Variants in SUMF1 observed in about 807,000 individuals in gnomAD.
SUMF1 encodes the protein sulfatase modifying factor 1.
A neutral mutation model predicts 47.6 loss-of-function variants in SUMF1; 48 were observed. The observed-to-expected ratio is 1.01, with a 90% CI of 0.80 to 1.28. The LOEUF is 1.28. SUMF1 is among the 50% of genes most tolerant of loss of function. The pLI, the probability that SUMF1 is intolerant of heterozygous loss-of-function variation, is 0.00. For synonymous variants in SUMF1, 230 were observed against 192.1 expected, an observed-to-expected ratio of 1.20 and a Z score of -1.63; for missense variants, 571 against 485.4, an observed-to-expected ratio of 1.18 and a Z score of -1.66.
At chr3:4,201,188 C>G (rs899375898) in intron 8 of SUMF1, among the ~76,000 whole-genome samples, 1 of 152,002 alleles carries the variant, frequency 6.6e-6, no homozygotes, top group African/African-American at 2.4e-5. Flanking sequence ...CAACAAACTG[C>G]TGTCTATAGT....
chr3:4,157,437 C>T (rs983573551), intron 8 of SUMF1, among the ~76,000 whole-genome samples: 19 of 151,534 alleles, frequency 1.3e-4, no homozygotes, highest in Admixed American at 2.6e-4. Context: ...TTATTCTGTT[C>T]CATTTCATGT....
At chr3:4,066,221 C>G (rs566886452) in intron 9 of SUMF1, among the ~76,000 whole-genome samples, 10 of 151,528 alleles carry the variant, frequency 6.6e-5, no homozygotes, top group Non-Finnish European at 1.3e-4. Flanking sequence ...TGCAAAAATG[C>G]CAAAACAGGA....
chr3:4,154,512 A>G (rs2125108275), intron 8 of SUMF1, among the ~76,000 whole-genome samples: 1 of 151,638 alleles, frequency 6.6e-6, no homozygotes, highest in African/African-American at 2.4e-5. Flanking sequence ...CAAGCTGGGG[A>G]CTATTATCTC....
At chr3:4,298,915 T>C (rs1220603403) in intron 8 of SUMF1, among the ~76,000 whole-genome samples, 1 of 152,214 alleles carries the variant, frequency 6.6e-6, no homozygotes, top group Non-Finnish European at 1.5e-5. Flanking sequence ...ATCTTTCTTT[T>C]TATTACTTTG....
intron 8 of SUMF1, among the ~76,000 whole-genome samples, chr3:4,137,665 ACCTG>A (rs1420476585): frequency 6.6e-6 from 1 of 152,118 alleles, no homozygotes; most frequent in Non-Finnish European, 1.5e-5. Context: ...AATTTCCTCA[ACCTG>A]ATAAAGGGAA....
chr3:4,055,897 G>A (rs75487959), intron 9 of SUMF1, among the ~76,000 whole-genome samples: 8,532 of 152,086 alleles, frequency 0.056, 773 homozygotes, highest in African/African-American at 0.19. Context: ...TGTTTCTTTG[G>A]CCTTTCCAGC....
At chr3:4,273,648 C>T (rs1336180182) in intron 8 of SUMF1, among the ~76,000 whole-genome samples, 1 of 134,224 alleles carries the variant, frequency 7.5e-6, no homozygotes, top group Non-Finnish European at 1.5e-5. Flanking sequence ...GTAAATTTTA[C>T]ATTAAGTAAA....
At chr3:4,279,932 T>C (rs1473980208) in intron 8 of SUMF1, among the ~76,000 whole-genome samples, 6 of 152,186 alleles carry the variant, frequency 3.9e-5, no homozygotes, top group East Asian at 3.8e-4. Flanking sequence ...TTTGGCTATA[T>C]AGTCAAGCTA....
intron 8 of SUMF1, among the ~76,000 whole-genome samples, chr3:4,106,090 A>G (rs1319266172): frequency 1.3e-5 from 2 of 151,964 alleles, no homozygotes; most frequent in African/African-American, 2.4e-5. Context: ...ACTTTTCACT[A>G]TAATAAACAA....
Position 4,217,754 on chromosome 3 carries a change from A to AT in SUMF1, c.1015-149010dup, listed in dbSNP as rs11311988. On this transcript the variant is annotated intron_variant and NMD_transcript_variant, in intron 8 of 12. Coordinates refer to the SUMF1 transcript ENST00000448413. Reference sequence around the variant, plus strand: ...CTTTGAACCACAAAATTTCTTAGCTATTTTTTTTTAAAACACAAGAAAAGA... The same window carrying AT: ...CTTTGAACCACAAAATTTCTTAGCTATTTTTTTTTTAAAACACAAGAAAAGA... 2.5e-3 allele frequency among the ~76,000 whole-genome samples: 375 copies of AT among 148,364 alleles called. 1 individual carries two copies. Among genetic ancestry groups the AT allele is most frequent in the African/African-American group, 8.3e-3 (336 of 40,240 alleles).
chr3:4,238,337 T>C (rs1191581812), intron 8 of SUMF1, among the ~76,000 whole-genome samples: 1 of 152,180 alleles, frequency 6.6e-6, no homozygotes, highest in Admixed American at 6.5e-5. Flanking sequence ...TTCTAGATCC[T>C]TGAGGAATTG....
chr3:4,135,797 G>C (rs1049646486), intron 8 of SUMF1, among the ~76,000 whole-genome samples: 5 of 152,144 alleles, frequency 3.3e-5, no homozygotes, highest in African/African-American at 1.2e-4. Flanking sequence ...CAAAATCAAT[G>C]TGCAAAAATC....
intron 8 of SUMF1, among the ~76,000 whole-genome samples, chr3:4,349,518 T>C (rs934716375): frequency 6.6e-6 from 1 of 152,190 alleles, no homozygotes; most frequent in Non-Finnish European, 1.5e-5. Context: ...CATTCTACTA[T>C]AAAGACACAC....
chr3:4,338,910 T>C (rs1218160253), intron 8 of SUMF1, among the ~76,000 whole-genome samples: 1 of 152,164 alleles, frequency 6.6e-6, no homozygotes, highest in Non-Finnish European at 1.5e-5. Flanking sequence ...GACTGTAAGA[T>C]CCTGGCGGAC....
At position 4,173,589 on chromosome 3, in the gene SUMF1, T is replaced by C. The variant is rs141166356; in HGVS notation, c.1015-104844A>G. Among the ~76,000 whole-genome samples, 352 of 152,290 alleles carry C rather than the reference T, an allele frequency of 2.3e-3. 4 individuals carry two copies. Among genetic ancestry groups the C allele is most frequent in the African/African-American group, 7.9e-3 (330 of 41,552 alleles). ...AAAGACATATGCATACGTATGTTTATTGAAGCACTATTCACAATAGTAAAG... is the reference window on the plus strand; with the variant it reads ...AAAGACATATGCATACGTATGTTTACTGAAGCACTATTCACAATAGTAAAG... On this transcript the variant is annotated intron_variant and NMD_transcript_variant, in intron 8 of 12. Transcript: ENST00000448413.
At chr3:4,303,510 CG>C (rs765667779) in intron 8 of SUMF1, 1 of 1,439,162 alleles carries the variant, frequency 6.9e-7, no homozygotes. Flanking sequence ...CCGGGGGCCG[CG>C]CCGGCGCCCT....
At chr3:4,410,592 G>A (rs917993850) in intron 7 of SUMF1, among the ~76,000 whole-genome samples, 3 of 152,058 alleles carry the variant, frequency 2.0e-5, no homozygotes, top group Non-Finnish European at 4.4e-5. Flanking sequence ...TCAAATTTAC[G>A]AGACTGAATA....
intron 8 of SUMF1, among the ~76,000 whole-genome samples, chr3:4,085,032 A>C (rs926153628): frequency 6.6e-6 from 1 of 152,090 alleles, no homozygotes; most frequent in Admixed American, 6.6e-5. Context: ...TATCTACTCT[A>C]TGCATATTAA....
At chr3:4,074,588 C>CACTA (rs1692376107) in intron 8 of SUMF1, among the ~76,000 whole-genome samples, 1 of 151,820 alleles carries the variant, frequency 6.6e-6, no homozygotes, top group Admixed American at 6.6e-5. Flanking sequence ...ATAGATAAAC[C>CACTA]ACTAGCAAGA....
Sources: gnomAD v4.1 joint callset for allele counts (sites outside exome capture counted in the v4.1 genomes callset) on GRCh38, gnomAD v4.1.1 for gene constraint, MANE v1.5 for transcripts, NCBI Gene and HGNC (gene_info 2026-07-23, HGNC 2026-07-21) for gene names.